CLCN5: variants seen among roughly 807,000 people sequenced by gnomAD.
CLCN5 encodes Cl-/H+ antiporter 5.
CLCN5 carries 17 observed loss-of-function variants against 54.0 expected under a neutral mutation model. The observed-to-expected ratio is 0.31, with a 90% confidence interval of 0.22 to 0.47. CLCN5 has a LOEUF of 0.47. CLCN5 is among the 20% of genes least tolerant of loss of function. CLCN5 has a pLI of 1.00. For synonymous variants in CLCN5, 222 were observed against 233.0 expected, an observed-to-expected ratio of 0.95 and a Z score of 0.43; for missense variants, 448 against 646.7, an observed-to-expected ratio of 0.69 and a Z score of 3.33.
chrX:49,934,197 C>T (rs181174135), intron 3 of CLCN5, among the ~76,000 whole-genome samples: 23 of 111,797 alleles, frequency 2.1e-4, no homozygotes, highest in East Asian at 8.4e-4. Context: ...TTACTGCTAC[C>T]GTGAAACGTT....
chrX:50,066,224 A>C (rs1407126316), intron 4 of CLCN5, among the ~76,000 whole-genome samples: 1 of 106,464 alleles, frequency 9.4e-6, no homozygotes, highest in Middle Eastern at 4.4e-3. Context: ...AAAGACAGTC[A>C]CAGTTGGGCC....
intron 4 of CLCN5, among the ~76,000 whole-genome samples, chrX:50,059,693 A>G (rs1932819994): frequency 9.1e-6 from 1 of 109,771 alleles, no homozygotes; most frequent in Non-Finnish European, 1.9e-5. Context: ...TTGTCATTAA[A>G]TCTTGTTTTA....
intron 3 of CLCN5, among the ~76,000 whole-genome samples, chrX:49,992,710 C>T (rs1929325171): frequency 9.0e-6 from 1 of 111,405 alleles, no homozygotes; most frequent in South Asian, 3.8e-4. Flanking sequence ...GTTCCATTAA[C>T]CTTGAGGCAA....
intron 4 of CLCN5, 134 bp from the exon 5 acceptor site, chrX:50,069,745 G>A (rs1569539984): frequency 1.9e-6 from 2 of 1,064,443 alleles, no homozygotes; most frequent in Non-Finnish European, 2.4e-6. Flanking sequence ...TTCCTACCAG[G>A]TGACTGTATT....
At chrX:50,064,024 C>T (rs1370600696) in intron 4 of CLCN5, among the ~76,000 whole-genome samples, 1 of 105,797 alleles carries the variant, frequency 9.5e-6, no homozygotes, top group Non-Finnish European at 1.9e-5. Flanking sequence ...ATAATAAGAG[C>T]TATCTATGAC....
intron 1 of CLCN5, 76 bp downstream of exon 1, chrX:49,922,868 C>G (rs781868434): frequency 1.8e-5 from 2 of 112,867 alleles, no homozygotes; most frequent in South Asian, 3.7e-4. Flanking sequence ...CCCGGAGCAC[C>G]CCCTAAGCGC....
chrX:50,053,347 TA>T (rs1469254142), intron 4 of CLCN5, among the ~76,000 whole-genome samples: 1 of 111,617 alleles, frequency 9.0e-6, no homozygotes, highest in Non-Finnish European at 1.9e-5. Context: ...ATTATCCTTT[TA>T]ATGTCTGAGA....
At chrX:50,067,876 G>C in intron 4 of CLCN5, 1 of 234,066 alleles carries the variant, frequency 4.3e-6, no homozygotes, top group Non-Finnish European at 6.1e-6. Flanking sequence ...TTTGAGAGGG[G>C]CCTGACAATT....
At chrX:50,005,266 T>G (rs1930097148) in intron 3 of CLCN5, among the ~76,000 whole-genome samples, 1 of 111,613 alleles carries the variant, frequency 9.0e-6, no homozygotes. Context: ...GGCTTAATTT[T>G]GAGGAAGGGG....
chrX:49,938,486 A>T (rs1399208736), intron 3 of CLCN5, among the ~76,000 whole-genome samples: 4 of 111,704 alleles, frequency 3.6e-5, no homozygotes, highest in African/African-American at 1.3e-4. Flanking sequence ...ATAATGCCGC[A>T]TATCTACAAC....
chrX:50,067,194 A>G (rs57299412), intron 4 of CLCN5, among the ~76,000 whole-genome samples: 12,548 of 111,512 alleles, frequency 0.11, 1,720 homozygotes, highest in African/African-American at 0.39. Context: ...ATCGTAATGA[A>G]TGTTTTGTGC....
intron 3 of CLCN5, among the ~76,000 whole-genome samples, chrX:49,962,663 G>A (rs1557174890): frequency 9.0e-6 from 1 of 111,652 alleles, no homozygotes; most frequent in African/African-American, 3.3e-5. Context: ...TGAACAGATC[G>A]GACTTTATCA....
At chrX:50,058,298 C>G (rs782249829) in intron 4 of CLCN5, among the ~76,000 whole-genome samples, 2 of 111,321 alleles carry the variant, frequency 1.8e-5, no homozygotes, top group East Asian at 2.8e-4. Flanking sequence ...AGATTTCTTC[C>G]TATTCTTTTT....
chrX:49,942,753 C>G (rs1173221563), intron 3 of CLCN5, among the ~76,000 whole-genome samples: 1 of 110,633 alleles, frequency 9.0e-6, no homozygotes, highest in Non-Finnish European at 1.9e-5. Flanking sequence ...TTTATGGCTG[C>G]ATAGTATCCC....
intron 3 of CLCN5, among the ~76,000 whole-genome samples, chrX:49,982,951 C>A (rs782019071): frequency 1.8e-5 from 2 of 111,882 alleles, no homozygotes; most frequent in African/African-American, 6.5e-5. Context: ...TCCTTGAGAT[C>A]AGAGACTGGA....
At chrX:50,058,689 A>C (rs1174419818) in intron 4 of CLCN5, among the ~76,000 whole-genome samples, 1 of 111,963 alleles carries the variant, frequency 8.9e-6, no homozygotes, top group Non-Finnish European at 1.9e-5. Flanking sequence ...AGGCAATGCA[A>C]ATTAGCCTTT....
intron 3 of CLCN5, among the ~76,000 whole-genome samples, chrX:49,979,301 C>T (rs1410021240): frequency 9.0e-6 from 1 of 111,658 alleles, no homozygotes; most frequent in Non-Finnish European, 1.9e-5. Context: ...CACCATATGA[C>T]ACACATTGAT....
intron 3 of CLCN5, among the ~76,000 whole-genome samples, chrX:49,963,423 C>T (rs1557175048): frequency 9.0e-6 from 1 of 111,537 alleles, no homozygotes; most frequent in Non-Finnish European, 1.9e-5. Flanking sequence ...TGCTGAAAAA[C>T]CCCAATCCAT....
chrX:49,946,196 A>G (rs1926731994), intron 3 of CLCN5, among the ~76,000 whole-genome samples: 1 of 112,643 alleles, frequency 8.9e-6, no homozygotes, highest in Admixed American at 9.4e-5. Context: ...AATTAATAAA[A>G]CATTGTTTGC....
Sources: gnomAD v4.1 joint callset for allele counts (sites outside exome capture counted in the v4.1 genomes callset) on GRCh38, gnomAD v4.1.1 for gene constraint, MANE v1.5 for transcripts, NCBI Gene and HGNC (gene_info 2026-07-23, HGNC 2026-07-21) for gene names.